The following SPAG17 variants were observed in gnomAD, a reference collection of about 807,000 sequenced individuals.
SPAG17 encodes the protein sperm-associated antigen 17.
In SPAG17, 169 loss-of-function variants were observed where a neutral mutation model predicts 273.6. The ratio of observed to expected loss-of-function variants is 0.62; its 90% CI spans 0.55 to 0.70. The LOEUF is 0.70. SPAG17 is among the 30% of genes least tolerant of loss of function. The pLI, the probability that SPAG17 is intolerant of heterozygous loss-of-function variation, is 0.00. For synonymous variants in SPAG17, 825 were observed against 873.2 expected, an observed-to-expected ratio of 0.94 and a Z score of 0.97; for missense variants, 2,557 against 2,627.8, an observed-to-expected ratio of 0.97 and a Z score of 0.59.
intron 23 of SPAG17, among the ~76,000 whole-genome samples, chr1:118,037,401 G>A (rs997321712): frequency 2.6e-5 from 4 of 151,914 alleles, no homozygotes; most frequent in African/African-American, 9.7e-5. Flanking sequence ...TTGTTACATG[G>A]GTAAATTGCA....
intron 3 of SPAG17, among the ~76,000 whole-genome samples, chr1:118,131,602 G>A (rs980124972): frequency 2.0e-5 from 3 of 152,188 alleles, no homozygotes; most frequent in Admixed American, 1.3e-4. Flanking sequence ...GAGCATAGTA[G>A]ATGATTAGAT....
intron 19 of SPAG17, among the ~76,000 whole-genome samples, chr1:118,055,377 C>T (rs1010451263): frequency 3.3e-5 from 5 of 152,118 alleles, no homozygotes; most frequent in African/African-American, 9.7e-5. Flanking sequence ...TATCTACTAA[C>T]TCTGAATTTA....
rs755964834 is a variant in SPAG17 at position 117,994,515 on chromosome 1, G to T, written c.5069C>A (p.Thr1690Lys). Residue 1690 changes from threonine to lysine, a missense_variant, in exon 35 of 49, where the codon ACA becomes AAA. Physicochemically the swap from Thr to Lys is moderately conservative, Grantham distance 78 (BLOSUM62 -1). Coordinates refer to ENST00000336338, the MANE Select transcript of SPAG17 (RefSeq NM_206996.4). The part of the protein sequence containing the change: ...VQEQPGTLTI[T>K]VLRPFHEASP... ...TGCTTCATGGAAAGGGCGAAGGACTGTGATGGTTAGGGTGCCTGGTTCAAA... is the reference window on the plus strand; with the variant it reads ...TGCTTCATGGAAAGGGCGAAGGACTTTGATGGTTAGGGTGCCTGGTTCAAA... The T allele has an allele frequency of 2.0e-5, 32 of 1,610,998 alleles. No homozygotes were observed. The highest frequency in any genetic ancestry group is 2.5e-5 in the Non-Finnish European group (29 of 1,178,514).
chr1:118,081,477 G>A lies in SPAG17; in HGVS notation c.1928C>T (p.Ala643Val), dbSNP rs756507678. 1 of 1,613,744 alleles carries A rather than the reference G, an allele frequency of 6.2e-7. No homozygotes were observed. Among genetic ancestry groups the A allele is most frequent in the South Asian group, 1.1e-5 (1 of 91,076 alleles). ...GACATATTGCTGCCTTATCTGTTTA[G>A]CAAATCTGGCAGGGTTGTCCCACGG... ...NIPWDNPARF[A>V]KQIRQQYVMK... is the part of the protein sequence containing the mutation. The change falls in exon 14 of 49, where the codon GCT (alanine) becomes GTT (valine). Residue 643 changes from alanine to valine, a missense_variant. By Grantham distance (64) the Ala-to-Val change is moderately conservative. Coordinates refer to ENST00000336338, the MANE Select transcript of SPAG17 (RefSeq NM_206996.4).
intron 1 of SPAG17, among the ~76,000 whole-genome samples, chr1:118,158,919 G>A (rs556842338): frequency 6.6e-6 from 1 of 152,352 alleles, no homozygotes; most frequent in African/African-American, 2.4e-5. Context: ...CAGTGGAAAA[G>A]GCTCCCCTAG....
intron 1 of SPAG17, among the ~76,000 whole-genome samples, chr1:118,159,032 C>T (rs985073766): frequency 3.9e-5 from 6 of 152,202 alleles, no homozygotes; most frequent in African/African-American, 1.4e-4. Flanking sequence ...GCCAAAACCA[C>T]ACACTAAAGA....
chr1:118,126,588 T>C (rs1657750974), intron 3 of SPAG17, among the ~76,000 whole-genome samples: 2 of 152,138 alleles, frequency 1.3e-5, no homozygotes, highest in African/African-American at 4.8e-5. Context: ...ATATTAGTCC[T>C]TTGTCAGATG....
chr1:118,091,833 A>G, intron 9 of SPAG17, 97 bp downstream of exon 9: 1 of 1,357,496 alleles, frequency 7.4e-7, no homozygotes, highest in Non-Finnish European at 1.1e-6. Flanking sequence ...CAGGAGCTGT[A>G]GGTGAAGGGA....
At chr1:118,038,401 C>G (rs1455518779) in intron 23 of SPAG17, among the ~76,000 whole-genome samples, 1 of 152,050 alleles carries the variant, frequency 6.6e-6, no homozygotes, top group Non-Finnish European at 1.5e-5. Context: ...CCCTATAATC[C>G]AAAAGTCACA....
chr1:118,090,389 A>G (rs1020924141), intron 10 of SPAG17, among the ~76,000 whole-genome samples: 2 of 152,216 alleles, frequency 1.3e-5, no homozygotes, highest in Admixed American at 6.5e-5. Flanking sequence ...AATAATGGAA[A>G]TCAAAATAAT....
intron 1 of SPAG17, among the ~76,000 whole-genome samples, chr1:118,159,382 A>T (rs948254518): frequency 6.6e-6 from 1 of 152,194 alleles, no homozygotes; most frequent in Non-Finnish European, 1.5e-5. Flanking sequence ...GTGGTTTCTT[A>T]GCCAAATGAC....
chr1:118,077,538 GA>G (rs529347041), intron 15 of SPAG17, among the ~76,000 whole-genome samples: 2 of 150,642 alleles, frequency 1.3e-5, no homozygotes, highest in South Asian at 2.1e-4. Flanking sequence ...CTGCTTTAAA[GA>G]AAAAAAAATG....
Position 117,957,318 on chromosome 1 carries a change from C to T in SPAG17, c.*1-3269G>A, listed in dbSNP as rs143860258. ...TATGCCGAACTCGGTGGCTCACACC[C>T]GTAATCCCAGCACTTTGGGAGGCTG... On this transcript the variant is annotated intron_variant, in intron 48 of 48. Transcript: ENST00000336338. 6.1e-4 allele frequency: 773 copies of T among 1,260,708 alleles called. 4 individuals are homozygous for T. In the East Asian group the frequency reaches 0.011, roughly 18 times the overall value. 78.1% of individuals were successfully genotyped at this position (1,260,708 alleles called of 1,614,324 possible). A position where few individuals can be genotyped will look rare whatever the true frequency, so the allele number is the denominator to read the frequency against.
At chr1:118,093,054 G>T in intron 8 of SPAG17, 102 bp downstream of exon 8, 1 of 1,260,558 alleles carries the variant, frequency 7.9e-7, no homozygotes, top group Non-Finnish European at 1.1e-6. Context: ...TGACCTTAAT[G>T]TAAGTATTTA....
At position 118,118,189 on chromosome 1, in the gene SPAG17, A is replaced by G. The variant is rs146613274; in HGVS notation, c.316-2748T>C. ...TAAAGGAAATGTACCTTTTCACATA[A>G]CATCTCCAAAGGTTTCTCCTCCCTG... On this transcript the variant is annotated intron_variant, in intron 3 of 48. Transcript: ENST00000336338. 4.9e-3 allele frequency among the ~76,000 whole-genome samples: 745 copies of G among 152,340 alleles called. 7 individuals are homozygous for G. Among genetic ancestry groups the G allele is most frequent in the African/African-American group, 0.017 (716 of 41,564 alleles).
Position 118,039,525 on chromosome 1 carries a change from G to T in SPAG17, c.3167-81C>A, listed in dbSNP as rs571605572. ...CTCGACAAGATGGTTACACAATGCT[G>T]CACAGAAACAAACACACGAACAGAA... On this transcript the variant is annotated intron_variant, in intron 22 of 48. Transcript: ENST00000336338. 3 of 1,411,218 alleles carry T rather than the reference G, an allele frequency of 2.1e-6. No homozygotes were observed. In the African/African-American group the frequency reaches 4.3e-5, roughly 20 times the overall value. 87.4% of individuals were successfully genotyped at this position (1,411,218 alleles called of 1,614,324 possible).
chr1:118,020,433 T>C (rs1660388593), intron 28 of SPAG17, among the ~76,000 whole-genome samples: 1 of 147,330 alleles, frequency 6.8e-6, no homozygotes, highest in Non-Finnish European at 1.5e-5. Context: ...ACACTGTGTC[T>C]CAAGAAAAAA....
intron 40 of SPAG17, among the ~76,000 whole-genome samples, chr1:117,986,092 G>T (rs577820714): frequency 7.2e-4 from 110 of 152,306 alleles, no homozygotes; most frequent in African/African-American, 2.5e-3. Flanking sequence ...TAATCAAATT[G>T]TAACTGACTG....
chr1:117,994,358 GA>G (rs1167080369), intron 35 of SPAG17, 47 bp downstream of exon 35: 1 of 1,568,292 alleles, frequency 6.4e-7, no homozygotes, highest in East Asian at 2.3e-5. Context: ...ATTGCCCTTG[GA>G]TGGATGTATA....
Sources: gnomAD v4.1 joint callset for allele counts (sites outside exome capture counted in the v4.1 genomes callset) on GRCh38, gnomAD v4.1.1 for gene constraint, MANE v1.5 for transcripts, NCBI Gene and HGNC (gene_info 2026-07-23, HGNC 2026-07-21) for gene names.